The following COL4A4 variants were observed in gnomAD, a reference collection of about 807,000 sequenced individuals.
COL4A4 encodes the protein collagen type IV alpha 4 chain, also known as collagen alpha-4(IV) chain.
COL4A4 carries 105 observed loss-of-function variants against 192.9 expected under a neutral mutation model. That is an observed-to-expected ratio of 0.54 (90% CI 0.46 to 0.64). The LOEUF is 0.64. Among genes scored for constraint, COL4A4 ranks in the 30% least tolerant of loss-of-function variants. The pLI is 0.00. For missense variants in COL4A4, 1,967 were observed against 2,169.3 expected (o/e 0.91, Z 1.85); for synonymous variants, 762 against 769.9 (o/e 0.99, Z 0.17).
intron 3 of COL4A4, among the ~76,000 whole-genome samples, chr2:227,143,383 A>G (rs2063347111): frequency 6.6e-6 from 1 of 152,232 alleles, no homozygotes; most frequent in African/African-American, 2.4e-5. Flanking sequence ...AGGTACGTGC[A>G]TTCAAAATCC....
intron 4 of COL4A4, among the ~76,000 whole-genome samples, chr2:227,124,569 C>T (rs760721089): frequency 6.6e-6 from 1 of 152,062 alleles, no homozygotes; most frequent in Non-Finnish European, 1.5e-5. Flanking sequence ...ATGCTAAAAG[C>T]TTAGAATTTT....
At chr2:227,019,050 C>T (rs58810149) in intron 44 of COL4A4, among the ~76,000 whole-genome samples, 2,450 of 152,294 alleles carry the variant, frequency 0.016, 71 homozygotes, top group African/African-American at 0.056. Context: ...TGACCCCAAC[C>T]ATCCCTCTGG....
intron 4 of COL4A4, among the ~76,000 whole-genome samples, chr2:227,129,411 CTTT>C (rs752359503): frequency 1.4e-5 from 2 of 137,994 alleles, no homozygotes; most frequent in Non-Finnish European, 1.5e-5. Context: ...TTCTAGTATA[CTTT>C]TTTTTTTTTT....
At position 227,027,958 on chromosome 2, in the gene COL4A4, G is replaced by A. The variant is rs1453250949; in HGVS notation, c.4025C>T (p.Pro1342Leu). Residue 1342 changes from proline to leucine, a missense_variant, in exon 42 of 48, where the codon CCT (proline) becomes CTT (leucine). Physicochemically the swap from Pro to Leu is moderately conservative, Grantham distance 98 (BLOSUM62 -3). Transcript: ENST00000396625. ...AGGTCCAGGTAAACCCTTCTCTCCAGGTGGCCCAGGAAATCCATGTGGTCC... is the reference window on the plus strand; with the variant it reads ...AGGTCCAGGTAAACCCTTCTCTCCAAGTGGCCCAGGAAATCCATGTGGTCC... ...PQGPHGFPGP[P>L]GEKGLPGPPG... 1.9e-6 allele frequency: 3 copies of A among 1,613,788 alleles called. No individual in the cohort carries two copies. Among genetic ancestry groups the A allele is most frequent in the East Asian group, 2.2e-5 (1 of 44,882 alleles).
chr2:226,986,938 C>G, the COL4A4 span, among the ~76,000 whole-genome samples: 4 of 152,186 alleles, frequency 2.6e-5, no homozygotes, highest in Non-Finnish European at 5.9e-5. Flanking sequence ...AAATGCCCAT[C>G]AGTGATCGAC....
chr2:227,027,053 G>T (rs548461534), intron 42 of COL4A4, among the ~76,000 whole-genome samples: 77 of 152,242 alleles, frequency 5.1e-4, no homozygotes, highest in Non-Finnish European at 8.7e-4. Context: ...TCAGGAGTTT[G>T]AGACCAGCCT....
At chr2:227,121,561 C>G (rs1311234386) in intron 4 of COL4A4, among the ~76,000 whole-genome samples, 1 of 59,020 alleles carries the variant, frequency 1.7e-5, no homozygotes, top group Non-Finnish European at 3.7e-5. Context: ...GACCCTATCT[C>G]AAAAAAAAAA....
chr2:227,098,879 C>A, intron 18 of COL4A4, 81 bp from the exon 19 acceptor site: 2 of 1,149,158 alleles, frequency 1.7e-6, no homozygotes, highest in Non-Finnish European at 1.3e-6. Flanking sequence ...TTTTGTGAGA[C>A]TCAGTAAAGT....
At chr2:227,030,968 A>G (rs918116708) in intron 40 of COL4A4, among the ~76,000 whole-genome samples, 7 of 108,786 alleles carry the variant, frequency 6.4e-5, no homozygotes, top group Admixed American at 1.9e-4. Flanking sequence ...ATGGATGGAT[A>G]GGTGGATAGA....
intron 5 of COL4A4, chr2:227,120,757 G>A (rs1425392580): frequency 2.4e-6 from 1 of 417,586 alleles, no homozygotes; most frequent in Non-Finnish European, 4.5e-6. Context: ...GGCCAATATG[G>A]TGAAACCCCA....
intron 9 of COL4A4, among the ~76,000 whole-genome samples, chr2:227,111,442 A>G (rs2061202536): frequency 6.6e-6 from 1 of 152,178 alleles, no homozygotes; most frequent in Non-Finnish European, 1.5e-5. Context: ...GAGCTTGATG[A>G]GCTTCAAGTA....
At chr2:227,104,581 CAATAAATA>C (rs144262227) in intron 12 of COL4A4, among the ~76,000 whole-genome samples, 92,859 of 142,562 alleles carry the variant, frequency 0.65, 30,265 homozygotes, top group Middle Eastern at 0.72. Flanking sequence ...GACTCCATCT[CAATAAATA>C]AATAAATAAA....
chr2:227,055,848 G>T, intron 30 of COL4A4, 97 bp downstream of exon 30: 1 of 1,117,136 alleles, frequency 9.0e-7, no homozygotes. Flanking sequence ...CAGACTAACA[G>T]TTAACTCTTT....
rs1232085877 is a variant in COL4A4 at position 227,050,967 on chromosome 2, AG to A, written c.3150+9del. On this transcript the variant is annotated intron_variant, in intron 33 of 47. Transcript: ENST00000396625. ...ATTGTCTCTTCCCCCACAAAGCAGT[AG>A]CCCCTTACCTGGTCACCTGGAAGTC... The A allele has an allele frequency of 1.2e-6, 2 of 1,614,176 alleles. No individual in the cohort carries two copies. The highest frequency in any genetic ancestry group is 1.7e-6 in the Non-Finnish European group (2 of 1,179,996).
chr2:227,088,506 C>T (rs537978578), intron 22 of COL4A4, 147 bp downstream of exon 22: 2 of 1,022,758 alleles, frequency 2.0e-6, no homozygotes, highest in Admixed American at 3.7e-5. Flanking sequence ...TTTCCTGAGG[C>T]CTCCCCACCC....
intron 25 of COL4A4, among the ~76,000 whole-genome samples, chr2:227,069,758 T>C (rs2058593077): frequency 6.6e-6 from 1 of 151,626 alleles, no homozygotes; most frequent in African/African-American, 2.4e-5. Context: ...CCTAAAACCA[T>C]AAAAACCCTA....
At chr2:226,983,358 G>A in the COL4A4 span, among the ~76,000 whole-genome samples, 6 of 152,138 alleles carry the variant, frequency 3.9e-5, no homozygotes, top group Non-Finnish European at 8.8e-5. Flanking sequence ...ATGTGGCACG[G>A]AAGTATTGGG....
chr2:227,144,272 A>T (rs1045597512), intron 3 of COL4A4, among the ~76,000 whole-genome samples: 1 of 152,260 alleles, frequency 6.6e-6, no homozygotes, highest in Non-Finnish European at 1.5e-5. Context: ...TCTCCAAAAA[A>T]AAACTTTTAA....
chr2:226,980,002 T>A, the COL4A4 span, among the ~76,000 whole-genome samples: 1 of 152,040 alleles, frequency 6.6e-6, no homozygotes, highest in Non-Finnish European at 1.5e-5. Flanking sequence ...GAGGAAGGTG[T>A]CAAGGAAGAC....
Sources: allele counts gnomAD v4.1 joint callset (sites outside exome capture counted in the v4.1 genomes callset), GRCh38; gene constraint gnomAD v4.1.1; transcripts MANE v1.5; gene names NCBI Gene and HGNC (gene_info 2026-07-23, HGNC 2026-07-21).